The following CDH13 variants were observed in gnomAD, a reference collection of about 807,000 sequenced individuals.
The protein encoded by CDH13 is cadherin-13.
Under a neutral mutation model 63.8 loss-of-function variants are expected in CDH13, and 24 were observed. That is an observed-to-expected ratio of 0.38 (90% CI 0.27 to 0.53). The LOEUF (loss-of-function observed/expected upper bound fraction) is 0.53. Ranked by LOEUF, CDH13 falls within the 20% of genes least tolerant of loss-of-function variation. CDH13 has a pLI of 0.85. For synonymous variants in CDH13, 503 were observed against 355.3 expected (o/e 1.42, Z -4.67); for missense variants, 1,049 against 903.1 (o/e 1.16, Z -2.07).
chr16:82,969,745 G>C (rs7199767), intron 2 of CDH13, among the ~76,000 whole-genome samples: 22,057 of 151,900 alleles, frequency 0.15, 2,149 homozygotes, highest in African/African-American at 0.28. Context: ...AGGCTAGTCC[G>C]TGCACAATAT....
intron 10 of CDH13, among the ~76,000 whole-genome samples, chr16:83,743,697 C>G (rs577406601): frequency 4.7e-5 from 7 of 147,796 alleles, no homozygotes; most frequent in Non-Finnish European, 8.9e-5. Context: ...ACCAATCACT[C>G]CTGGATCAAC....
At chr16:83,036,440 G>C (rs892110215) in intron 3 of CDH13, among the ~76,000 whole-genome samples, 1 of 152,064 alleles carries the variant, frequency 6.6e-6, no homozygotes, top group Non-Finnish European at 1.5e-5. Flanking sequence ...GTGAGCCGCA[G>C]TGCCCAACCT....
intron 1 of CDH13, among the ~76,000 whole-genome samples, chr16:82,805,046 G>A (rs2151167794): frequency 6.6e-6 from 1 of 152,262 alleles, no homozygotes; most frequent in East Asian, 1.9e-4. Flanking sequence ...ATGAAGATAA[G>A]GGACACGGCA....
chr16:83,044,931 T>C (rs1389040163), intron 3 of CDH13, among the ~76,000 whole-genome samples: 1 of 152,218 alleles, frequency 6.6e-6, no homozygotes, highest in Admixed American at 6.5e-5. Context: ...TAATAAAATG[T>C]ACATTTTCTA....
chr16:83,034,578 A>G (rs1916676953), intron 3 of CDH13, among the ~76,000 whole-genome samples: 1 of 152,246 alleles, frequency 6.6e-6, no homozygotes, highest in Admixed American at 6.5e-5. Flanking sequence ...TACAGCAAAA[A>G]CAATGTTCCA....
At chr16:83,133,284 G>C (rs1327736768) in intron 4 of CDH13, among the ~76,000 whole-genome samples, 3 of 152,124 alleles carry the variant, frequency 2.0e-5, no homozygotes, top group Non-Finnish European at 4.4e-5. Context: ...ATACACATTG[G>C]ATTTCAAAAG....
chr16:83,273,607 A>T (rs530996945), intron 5 of CDH13, among the ~76,000 whole-genome samples: 4 of 152,302 alleles, frequency 2.6e-5, no homozygotes, highest in Admixed American at 1.3e-4. Context: ...ATCCTAAACA[A>T]TATGAATTCT....
intron 2 of CDH13, among the ~76,000 whole-genome samples, chr16:83,026,411 T>A (rs368623110): frequency 6.6e-6 from 1 of 152,210 alleles, no homozygotes; most frequent in Non-Finnish European, 1.5e-5. Context: ...CTGTAAAATA[T>A]AATATGATGC....
chr16:83,133,433 T>C (rs534062575), intron 4 of CDH13, among the ~76,000 whole-genome samples: 1 of 152,292 alleles, frequency 6.6e-6, no homozygotes, highest in East Asian at 1.9e-4. Flanking sequence ...ATTATTAATA[T>C]GGCTCACGTA....
chr16:83,392,933 C>G (rs890947388), intron 6 of CDH13, among the ~76,000 whole-genome samples: 3 of 132,214 alleles, frequency 2.3e-5, no homozygotes, highest in Non-Finnish European at 5.0e-5. Context: ...AGGTGAAGAG[C>G]TGGAAGGAAG....
At chr16:82,776,514 A>G (rs1567522035) in intron 1 of CDH13, among the ~76,000 whole-genome samples, 1 of 152,190 alleles carries the variant, frequency 6.6e-6, no homozygotes, top group Non-Finnish European at 1.5e-5. Context: ...AGCTGGACAT[A>G]CCGGCAAGTA....
chr16:82,783,951 T>G (rs561135724), intron 1 of CDH13, among the ~76,000 whole-genome samples: 1 of 152,328 alleles, frequency 6.6e-6, no homozygotes, highest in South Asian at 2.1e-4. Context: ...CAATACTTAA[T>G]GTTAGAAATT....
At chr16:82,943,349 G>A (rs1471963830) in intron 2 of CDH13, among the ~76,000 whole-genome samples, 3 of 152,002 alleles carry the variant, frequency 2.0e-5, no homozygotes, top group African/African-American at 7.2e-5. Flanking sequence ...CCCTTTGCAG[G>A]ATAGACTGTG....
At chr16:83,546,270 C>G (rs1318749455) in intron 7 of CDH13, among the ~76,000 whole-genome samples, 1 of 152,132 alleles carries the variant, frequency 6.6e-6, no homozygotes, top group Non-Finnish European at 1.5e-5. Context: ...GAGGGTGGCA[C>G]TCTTGGCATC....
chr16:83,523,838 G>A (rs1309543197), intron 7 of CDH13, among the ~76,000 whole-genome samples: 1 of 152,192 alleles, frequency 6.6e-6, no homozygotes, highest in Admixed American at 6.5e-5. Flanking sequence ...TCAGTCCCTC[G>A]TTATGCAGCT....
intron 1 of CDH13, among the ~76,000 whole-genome samples, chr16:82,760,151 C>G (rs554164885): frequency 1.3e-5 from 2 of 152,100 alleles, no homozygotes; most frequent in African/African-American, 4.8e-5. Context: ...TTTTCCAGAA[C>G]ACCTATTTCA....
intron 4 of CDH13, among the ~76,000 whole-genome samples, chr16:83,173,449 T>A (rs77531292): frequency 0.036 from 5,509 of 152,092 alleles, 324 homozygotes; most frequent in African/African-American, 0.12. Flanking sequence ...TAACCGTGGG[T>A]CTCTTTTTAT....
chr16:83,423,173 T>C (rs146414319), intron 6 of CDH13, among the ~76,000 whole-genome samples: 2 of 152,340 alleles, frequency 1.3e-5, no homozygotes, highest in Non-Finnish European at 1.5e-5. Context: ...AAAATCTGTT[T>C]TGTTTTCTTT....
chr16:83,159,251 G>A (rs1417944216), intron 4 of CDH13, among the ~76,000 whole-genome samples: 2 of 152,048 alleles, frequency 1.3e-5, no homozygotes, highest in East Asian at 1.9e-4. Flanking sequence ...GTAACACTGT[G>A]AATTCCTGTG....
Sources: gnomAD v4.1 joint callset for allele counts (sites outside exome capture counted in the v4.1 genomes callset) on GRCh38, gnomAD v4.1.1 for gene constraint, MANE v1.5 for transcripts, NCBI Gene and HGNC (gene_info 2026-07-23, HGNC 2026-07-21) for gene names.